The following PCLO variants were observed in gnomAD, a reference collection of about 807,000 sequenced individuals.
PCLO encodes the protein piccolo presynaptic cytomatrix protein.
Under a neutral mutation model 427.5 loss-of-function variants are expected in PCLO, and 82 were observed. The observed-to-expected ratio is 0.19, with a 90% CI of 0.16 to 0.23. PCLO has a LOEUF of 0.23. Among genes scored for constraint, PCLO ranks in the 10% least tolerant of loss-of-function variants. The pLI, the probability that PCLO is intolerant of heterozygous loss-of-function variation, is 1.00. For synonymous variants in PCLO, 2,357 were observed against 2,155.4 expected, an observed-to-expected ratio of 1.09 and a Z score of -2.59; for missense variants, 6,239 against 6,115.9, an observed-to-expected ratio of 1.02 and a Z score of -0.67.
At chr7:83,058,114 T>C (rs1789448274) in intron 3 of PCLO, among the ~76,000 whole-genome samples, 1 of 152,206 alleles carries the variant, frequency 6.6e-6, no homozygotes, top group Non-Finnish European at 1.5e-5. Flanking sequence ...GCCTATTTCA[T>C]GTGGCTACAG....
intron 3 of PCLO, among the ~76,000 whole-genome samples, chr7:83,052,662 T>C (rs962108592): frequency 6.6e-6 from 1 of 152,014 alleles, no homozygotes; most frequent in African/African-American, 2.4e-5. Context: ...TTTACTCCTC[T>C]GCTTTCACAC....
intron 6 of PCLO, among the ~76,000 whole-genome samples, chr7:82,921,924 A>G (rs1244089926): frequency 1.3e-5 from 2 of 152,026 alleles, no homozygotes; most frequent in Non-Finnish European, 2.9e-5. Flanking sequence ...GTCAAAGGGC[A>G]TAAGTAGACA....
At chr7:82,763,390 C>T (rs571949247) in intron 22 of PCLO, among the ~76,000 whole-genome samples, 2 of 152,086 alleles carry the variant, frequency 1.3e-5, no homozygotes, top group African/African-American at 2.4e-5. Flanking sequence ...TTAAAAATCT[C>T]GCGGAACCAC....
In PCLO at chr7:82,756,671, T is replaced by C. The variant is rs758916269; in HGVS notation, c.*1904A>G. 6.6e-6 allele frequency: 1 copy of C among 151,994 alleles called. No homozygotes were observed. The highest frequency in any genetic ancestry group is 6.6e-5 in the Admixed American group (1 of 15,232). 9.4% of individuals were successfully genotyped at this position (151,994 alleles called of 1,614,324 possible). On this transcript the variant is annotated 3_prime_UTR_variant, in exon 25 of 25. Transcript: ENST00000333891. ...TATCCAACCAATATCTAGAGTTGGT[T>C]TTCTCTAATTCCACTAACACTTCAC... is the stretch of plus-strand genomic sequence containing the variant.
intron 2 of PCLO, among the ~76,000 whole-genome samples, chr7:83,149,553 G>C (rs1792078589): frequency 6.6e-6 from 1 of 152,044 alleles, no homozygotes; most frequent in African/African-American, 2.4e-5. Flanking sequence ...TAAAAAAAAA[G>C]TCTCTGTGCT....
At chr7:82,863,021 C>A (rs913754015) in intron 10 of PCLO, among the ~76,000 whole-genome samples, 5 of 151,898 alleles carry the variant, frequency 3.3e-5, no homozygotes, top group African/African-American at 1.2e-4. Context: ...GTTTGTAACT[C>A]AAAGGATAAA....
chr7:82,866,417 C>T (rs147299918), intron 10 of PCLO, among the ~76,000 whole-genome samples: 2 of 151,246 alleles, frequency 1.3e-5, no homozygotes, highest in African/African-American at 4.9e-5. Context: ...AATGTAAGAC[C>T]CATGCTTTCT....
At chr7:82,848,301 T>C (rs1792556249) in intron 10 of PCLO, among the ~76,000 whole-genome samples, 1 of 136,884 alleles carries the variant, frequency 7.3e-6, no homozygotes, top group African/African-American at 2.6e-5. Flanking sequence ...GAACCATTAG[T>C]TAGTTTTTTT....
At chr7:82,773,311 A>T (rs1390959257) in intron 22 of PCLO, among the ~76,000 whole-genome samples, 1 of 152,234 alleles carries the variant, frequency 6.6e-6, no homozygotes, top group Non-Finnish European at 1.5e-5. Context: ...AGCTACCAAT[A>T]GCTGTAGAAC....
At chr7:82,995,893 A>G (rs1796484650) in intron 3 of PCLO, among the ~76,000 whole-genome samples, 4 of 151,976 alleles carry the variant, frequency 2.6e-5, no homozygotes, top group African/African-American at 9.7e-5. Context: ...AAGTATGTTT[A>G]GTACGTACAA....
chr7:83,124,353 CAAAAAAA>C (rs1000734708), intron 3 of PCLO, among the ~76,000 whole-genome samples: 2 of 57,552 alleles, frequency 3.5e-5, no homozygotes, highest in South Asian at 1.3e-3. Flanking sequence ...GACTCCGTCT[CAAAAAAA>C]AAAAAAAAAA....
chr7:82,964,294 C>T (rs909988499), intron 4 of PCLO, among the ~76,000 whole-genome samples: 9 of 151,916 alleles, frequency 5.9e-5, no homozygotes, highest in African/African-American at 1.9e-4. Flanking sequence ...GAGACAGGTG[C>T]TTGATGGTGA....
rs187924009 is a variant in PCLO, at chr7:83,131,074, T to G, written c.3300+3176A>C. Among the ~76,000 whole-genome samples, 508 of 152,350 alleles carry G rather than the reference T, an allele frequency of 3.3e-3. 4 individuals carry two copies. Among genetic ancestry groups the G allele is most frequent in the African/African-American group, 0.011 (453 of 41,568 alleles). On this transcript the variant is annotated intron_variant, in intron 3 of 24. Transcript: ENST00000333891. ...ACAAAAAATTCACTAGGTAAACTGA[T>G]TAGGCTGTTTTTCTCAGTATGCTTC...
intron 16 of PCLO, among the ~76,000 whole-genome samples, chr7:82,830,047 C>A (rs1350900582): frequency 6.6e-6 from 1 of 151,598 alleles, no homozygotes; most frequent in African/African-American, 2.4e-5. Flanking sequence ...ATATGACATA[C>A]ATATATATTA....
rs189482976 is a variant in PCLO, at chr7:83,105,221, T to C, written c.3300+29029A>G. 2.5e-3 allele frequency among the ~76,000 whole-genome samples: 382 copies of C among 152,306 alleles called. 1 individual carries two copies. Among genetic ancestry groups the C allele is most frequent in the African/African-American group, 8.6e-3 (357 of 41,578 alleles). ...ATACATCACTTAACAAAAATTTTATTGTTTCTCATGGAATGTGCAAATTCC... is the reference window on the plus strand; with the variant it reads ...ATACATCACTTAACAAAAATTTTATCGTTTCTCATGGAATGTGCAAATTCC... On this transcript the variant is annotated intron_variant, in intron 3 of 24. Coordinates refer to ENST00000333891, the MANE Select transcript of PCLO (RefSeq NM_033026.6).
At chr7:83,130,252 T>G (rs1330800479) in intron 3 of PCLO, among the ~76,000 whole-genome samples, 1 of 152,172 alleles carries the variant, frequency 6.6e-6, no homozygotes, top group Non-Finnish European at 1.5e-5. Flanking sequence ...AAAACTTAGT[T>G]CACTGCAACC....
At chr7:82,937,231 T>C (rs553409099) in intron 6 of PCLO, among the ~76,000 whole-genome samples, 35 of 151,814 alleles carry the variant, frequency 2.3e-4, no homozygotes, top group African/African-American at 8.4e-4. Flanking sequence ...AAACAAAACC[T>C]ATTCACATTT....
rs769891041 is a variant in PCLO, at chr7:82,952,165, C to A, written c.8788G>T (p.Val2930Phe). Residue 2930 changes from valine (V) to phenylalanine (F), a missense_variant, in exon 5 of 25, where the codon GTT becomes TTT. Val to Phe is a conservative substitution (Grantham distance 50, BLOSUM62 -1). Around this residue, in one of 5 missense-constraint regions of PCLO, gnomAD observed 4,677 missense variants for 4,468.4 expected, o/e 1.05. Coordinates refer to ENST00000333891, the MANE Select transcript of PCLO (RefSeq NM_033026.6). ...GCTCTTCTCCCTGCGGTTAAATCAA[C>A]GGGTTTTTCATCTTCTATTATTTTG... ...MTKIIEDEKP[V>F]DLTAGRRAVC... 2.0e-6 allele frequency: 3 copies of A among 1,482,488 alleles called. No individual in the cohort carries two copies. The highest frequency in any genetic ancestry group is 2.7e-6 in the Non-Finnish European group (3 of 1,123,642). 91.8% of individuals were successfully genotyped at this position (1,482,488 alleles called of 1,614,324 possible).
chr7:82,800,887 G>C (rs1475530453), intron 22 of PCLO, among the ~76,000 whole-genome samples: 1 of 151,656 alleles, frequency 6.6e-6, no homozygotes, highest in Non-Finnish European at 1.5e-5. Context: ...GCCCAGCCAG[G>C]GATACTAGAT....
Sources: gnomAD v4.1 joint callset for allele counts (sites outside exome capture counted in the v4.1 genomes callset) on GRCh38, gnomAD v4.1.1 for gene constraint, gnomAD v4.1.1 regional missense constraint, MANE v1.5 for transcripts, NCBI Gene and HGNC (gene_info 2026-07-23, HGNC 2026-07-21) for gene names.